The following ASXL1 variants were observed in gnomAD, a reference collection of about 807,000 sequenced individuals.
The protein encoded by ASXL1 is ASXL transcriptional regulator 1, also known as polycomb group protein ASXL1.
In ASXL1, 65 loss-of-function variants were observed where a neutral mutation model predicts 89.1. The ratio of observed to expected loss-of-function variants is 0.73; its 90% CI spans 0.60 to 0.90. The LOEUF is 0.90. Among genes scored for constraint, ASXL1 ranks in the 40% least tolerant of loss-of-function variants. The pLI is 0.00. For synonymous variants in ASXL1, 739 were observed against 746.9 expected, an observed-to-expected ratio of 0.99 and a Z score of 0.17; for missense variants, 1,786 against 1,942.9, an observed-to-expected ratio of 0.92 and a Z score of 1.52.
intron 4 of ASXL1, among the ~76,000 whole-genome samples, chr20:32,402,752 T>A (rs1296158471): frequency 6.6e-6 from 1 of 152,228 alleles, no homozygotes; most frequent in Non-Finnish European, 1.5e-5. Context: ...ATTTGAATAT[T>A]CTCTTTGGTG....
chr20:32,386,089 T>C (rs968542897), intron 4 of ASXL1, among the ~76,000 whole-genome samples: 2 of 152,132 alleles, frequency 1.3e-5, no homozygotes, highest in Non-Finnish European at 1.5e-5. Context: ...ATTATTTGGG[T>C]GATTGTTTGA....
chr20:32,369,368 C>A (rs1218483637), intron 4 of ASXL1, among the ~76,000 whole-genome samples: 1 of 152,076 alleles, frequency 6.6e-6, no homozygotes, highest in Non-Finnish European at 1.5e-5. Flanking sequence ...CCCACCTCAA[C>A]CTCCCAAGTA....
intron 1 of ASXL1, among the ~76,000 whole-genome samples, chr20:32,365,977 A>AGTGT (rs535192151): frequency 6.6e-6 from 1 of 151,986 alleles, no homozygotes; most frequent in Non-Finnish European, 1.5e-5. Flanking sequence ...TACAAAAATT[A>AGTGT]GTGTGTGTGT....
Position 32,436,898 on chromosome 20 carries a change from G to A in ASXL1, c.4186G>A (p.Val1396Met). Residue 1396 changes from valine (V) to methionine (M), a missense_variant, in exon 13 of 13, where the codon GTG becomes ATG. Val to Met is a conservative substitution (Grantham distance 21). Around this residue, in one of 3 missense-constraint regions of ASXL1, gnomAD observed 1,418 missense variants for 1,427.8 expected, o/e 0.99. Transcript: ENST00000375687. The part of the protein sequence containing the change: ...KATGHSPLEL[V>M]GHLEGMPFVM... ...TACTGGGCATAGTCCCCTGGAACTG[G>A]TGGGTCACTTGGAAGGGATGCCCTT... 6.2e-7 allele frequency: 1 copy of A among 1,614,230 alleles called. No individual in the cohort carries two copies. Among genetic ancestry groups the A allele is most frequent in the Non-Finnish European group, 8.5e-7 (1 of 1,180,044 alleles).
At position 32,423,401 on chromosome 20, in the gene ASXL1, T is replaced by G. The variant is rs111793856; in HGVS notation, c.253-4727T>G. ...TGTGCCACCATGCCTAGCTAATTTT[T>G]TGTGTGTGTGTGTATATTTAGTAGG... On this transcript the variant is annotated intron_variant, in intron 4 of 12. Coordinates refer to ENST00000375687, the MANE Select transcript of ASXL1 (RefSeq NM_015338.6). Among the ~76,000 whole-genome samples, 260 of 151,058 alleles carry G rather than the reference T, an allele frequency of 1.7e-3. 1 individual carries two copies. The highest frequency in any genetic ancestry group is 0.017 in the Middle Eastern group (5 of 292).
At chr20:32,430,942 A>G in intron 8 of ASXL1, 3 of 455,498 alleles carry the variant, frequency 6.6e-6, no homozygotes, top group South Asian at 2.0e-5. Context: ...TTTCTATAGT[A>G]TACTAACTAG....
At chr20:32,361,382 G>C (rs1186557323) in intron 1 of ASXL1, among the ~76,000 whole-genome samples, 1 of 151,556 alleles carries the variant, frequency 6.6e-6, no homozygotes, top group Non-Finnish European at 1.5e-5. Flanking sequence ...GCTCACGCCT[G>C]TAATCCCAGC....
chr20:32,399,380 A>T (rs1262657618), intron 4 of ASXL1, among the ~76,000 whole-genome samples: 4 of 145,726 alleles, frequency 2.7e-5, no homozygotes, highest in African/African-American at 2.5e-5. Context: ...TTTTCTCTTT[A>T]TTACTGGTTT....
rs199926019 is a variant in ASXL1 at position 32,420,493 on chromosome 20, AT to A, written c.253-7627del. On this transcript the variant is annotated intron_variant, in intron 4 of 12. Coordinates refer to ENST00000375687, the MANE Select transcript of ASXL1 (RefSeq NM_015338.6). Reference sequence around the variant, plus strand: ...TTGGTTTACTTATTACAGATGGTTTATTTTTTTTCAACATTAGCTTCTTTTC... The same window carrying A: ...TTGGTTTACTTATTACAGATGGTTTATTTTTTTCAACATTAGCTTCTTTTC... 6.7e-3 allele frequency among the ~76,000 whole-genome samples: 1,017 copies of A among 151,890 alleles called. 15 individuals carry two copies. The highest frequency in any genetic ancestry group is 0.023 in the African/African-American group (947 of 41,450).
chr20:32,368,867 A>G, intron 3 of ASXL1, 148 bp from the exon 4 acceptor site: 1 of 605,854 alleles, frequency 1.7e-6, no homozygotes, highest in Non-Finnish European at 2.8e-6. Context: ...TTATTCTTTT[A>G]CTATTTTCAC....
intron 1 of ASXL1, 69 bp downstream of exon 1, chr20:32,358,901 C>G (rs1194614917): frequency 2.2e-6 from 3 of 1,384,560 alleles, no homozygotes; most frequent in African/African-American, 1.5e-5. Context: ...CACCCCCCCA[C>G]TGGGGGGGGA....
At chr20:32,379,848 G>T (rs899201656) in intron 4 of ASXL1, among the ~76,000 whole-genome samples, 39 of 149,178 alleles carry the variant, frequency 2.6e-4, no homozygotes, top group Admixed American at 1.1e-3. Context: ...AAATAAAAAA[G>T]ATGTCAGTTA....
chr20:32,362,050 T>C (rs1177616482), intron 1 of ASXL1, among the ~76,000 whole-genome samples: 1 of 152,120 alleles, frequency 6.6e-6, no homozygotes, highest in Non-Finnish European at 1.5e-5. Context: ...GCGGCGACAG[T>C]GAGACTCTGT....
At chr20:32,379,004 C>T (rs1041573447) in intron 4 of ASXL1, among the ~76,000 whole-genome samples, 10 of 151,144 alleles carry the variant, frequency 6.6e-5, no homozygotes, top group East Asian at 5.8e-4. Context: ...TGGTGGTGAA[C>T]GCCTGTAGTC....
chr20:32,410,959 GA>G (rs2123105302), intron 4 of ASXL1, among the ~76,000 whole-genome samples: 1 of 144,130 alleles, frequency 6.9e-6, no homozygotes, highest in African/African-American at 2.5e-5. Context: ...TTGAACCCTG[GA>G]GATGGAGGTT....
intron 4 of ASXL1, chr20:32,371,969 T>C (rs2048307187): frequency 2.2e-6 from 1 of 446,072 alleles, no homozygotes; most frequent in South Asian, 2.2e-5. Flanking sequence ...TTAATACATA[T>C]ATGTTTATTA....
At chr20:32,397,687 C>T (rs934699051) in intron 4 of ASXL1, among the ~76,000 whole-genome samples, 13 of 150,944 alleles carry the variant, frequency 8.6e-5, no homozygotes, top group African/African-American at 3.0e-4. Flanking sequence ...GCGTGAGCCA[C>T]CATGCCAAGC....
rs886056594 is a variant in ASXL1 at position 32,358,688 on chromosome 20, G to C, written c.-88G>C. 379 of 536,748 alleles carry C rather than the reference G, an allele frequency of 7.1e-4. 2 individuals carry two copies. The highest frequency in any genetic ancestry group is 8.7e-4 in the Non-Finnish European group (353 of 404,830). 33.2% of individuals were successfully genotyped at this position (536,748 alleles called of 1,614,324 possible). On this transcript the variant is annotated 5_prime_UTR_variant, in exon 1 of 13. Coordinates refer to ENST00000375687, the MANE Select transcript of ASXL1 (RefSeq NM_015338.6). ...GCCGCTGCCACGCGCCCCCCCCACC[G>C]CCGCCGCCGCCCCAGCCCCGCGCCA... is the stretch of plus-strand genomic sequence containing the variant.
At chr20:32,361,172 C>T (rs11699120) in intron 1 of ASXL1, among the ~76,000 whole-genome samples, 53,402 of 152,076 alleles carry the variant, frequency 0.35, 10,475 homozygotes, top group East Asian at 0.74. Context: ...AACATAGACC[C>T]GGTCTCTACA....
Sources: allele counts gnomAD v4.1 joint callset (sites outside exome capture counted in the v4.1 genomes callset), GRCh38; gene constraint gnomAD v4.1.1; regional missense constraint gnomAD v4.1.1; transcripts MANE v1.5; gene names NCBI Gene and HGNC (gene_info 2026-07-23, HGNC 2026-07-21).